The following PPM1E variants were observed in gnomAD, a reference collection of about 807,000 sequenced individuals.
PPM1E encodes protein phosphatase 1E.
In PPM1E, 20 loss-of-function variants were observed where a neutral mutation model predicts 65.9. The observed-to-expected ratio is 0.30, with a 90% CI of 0.21 to 0.44. The LOEUF (loss-of-function observed/expected upper bound fraction) is 0.44. Among genes scored for constraint, PPM1E ranks in the 20% least tolerant of loss-of-function variants. PPM1E has a pLI of 1.00. For synonymous variants in PPM1E, 352 were observed against 374.9 expected, an observed-to-expected ratio of 0.94 and a Z score of 0.70; for missense variants, 713 against 953.1, an observed-to-expected ratio of 0.75 and a Z score of 3.32.
chr17:58,979,851 T>C, intron 6 of PPM1E, 123 bp from the exon 7 acceptor site: 2 of 748,638 alleles, frequency 2.7e-6, no homozygotes, highest in Non-Finnish European at 2.1e-6. Flanking sequence ...TATAAATTCT[T>C]TCCAGTCAAG....
chr17:58,765,698 A>G (rs1040347214), intron 1 of PPM1E, among the ~76,000 whole-genome samples: 2 of 152,062 alleles, frequency 1.3e-5, no homozygotes, highest in Non-Finnish European at 2.9e-5. Flanking sequence ...AAAAAGAACC[A>G]AAAGAATAAT....
intron 1 of PPM1E, among the ~76,000 whole-genome samples, chr17:58,832,029 G>C (rs1209432276): frequency 6.6e-6 from 1 of 152,072 alleles, no homozygotes; most frequent in Non-Finnish European, 1.5e-5. Flanking sequence ...TGCTTATCTT[G>C]GGTGAAAGTC....
intron 4 of PPM1E, among the ~76,000 whole-genome samples, chr17:58,971,828 A>ATAGT (rs369140440): frequency 3.7e-4 from 56 of 152,354 alleles, no homozygotes; most frequent in African/African-American, 1.2e-3. Flanking sequence ...TTATATACTA[A>ATAGT]TAGTTACCTG....
intron 1 of PPM1E, among the ~76,000 whole-genome samples, chr17:58,874,666 C>G (rs2051109515): frequency 6.6e-6 from 1 of 151,994 alleles, no homozygotes; most frequent in African/African-American, 2.4e-5. Context: ...AAATTATAAC[C>G]TGGTTTGTAC....
chr17:58,914,264 A>G (rs2051660689), intron 1 of PPM1E, among the ~76,000 whole-genome samples: 1 of 152,194 alleles, frequency 6.6e-6, no homozygotes, highest in Non-Finnish European at 1.5e-5. Context: ...GCATTTGTTC[A>G]TTACTGTTAA....
intron 1 of PPM1E, among the ~76,000 whole-genome samples, chr17:58,816,753 T>TATATATATATATATATATATATAA (rs2050420176): frequency 3.5e-4 from 2 of 5,660 alleles, no homozygotes; most frequent in African/African-American, 1.9e-3. Flanking sequence ...TATATATATA[T>TATATATATATATATATATATATAA]ATATATATAT....
At chr17:58,874,973 C>G (rs1267927230) in intron 1 of PPM1E, among the ~76,000 whole-genome samples, 1 of 152,072 alleles carries the variant, frequency 6.6e-6, no homozygotes, top group Non-Finnish European at 1.5e-5. Flanking sequence ...TTTTCTGTCC[C>G]CTTTCTTCCT....
chr17:58,862,167 CAG>C (rs2050949596), intron 1 of PPM1E, among the ~76,000 whole-genome samples: 1 of 152,138 alleles, frequency 6.6e-6, no homozygotes, highest in Non-Finnish European at 1.5e-5. Flanking sequence ...CTGTTTCAAA[CAG>C]AGACAGCCAG....
At chr17:58,832,508 ATTTTG>A (rs1470443805) in intron 1 of PPM1E, among the ~76,000 whole-genome samples, 1 of 152,138 alleles carries the variant, frequency 6.6e-6, no homozygotes, top group Admixed American at 6.5e-5. Flanking sequence ...ACATACAATG[ATTTTG>A]TTTTGTTTTT....
In PPM1E at chr17:58,850,107, C is replaced by CT. The variant is rs746835586; in HGVS notation, c.464+93656dup. 2.0e-3 allele frequency among the ~76,000 whole-genome samples: 302 copies of CT among 148,808 alleles called. 7 individuals are homozygous for CT. Among genetic ancestry groups the CT allele is most frequent in the Admixed American group, 0.016 (238 of 14,894 alleles). ...TCAGAGACTAGGATTGCAACCCCTG[C>CT]TTTTTTTTTTCCATTTGCTTGGTAG... On this transcript the variant is annotated intron_variant, in intron 1 of 6. Transcript: ENST00000308249.
intron 1 of PPM1E, among the ~76,000 whole-genome samples, chr17:58,763,462 T>C (rs377443054): frequency 3.9e-5 from 6 of 152,196 alleles, no homozygotes; most frequent in African/African-American, 1.4e-4. Context: ...GGGAAATAAA[T>C]TGCTGGCTTG....
chr17:58,898,536 T>C (rs1393521070), intron 1 of PPM1E, among the ~76,000 whole-genome samples: 5 of 152,046 alleles, frequency 3.3e-5, no homozygotes, highest in African/African-American at 1.2e-4. Context: ...TGTGGAGAAA[T>C]AGGAATGCTT....
intron 1 of PPM1E, among the ~76,000 whole-genome samples, chr17:58,939,832 G>A (rs1018853377): frequency 6.6e-6 from 1 of 152,090 alleles, no homozygotes; most frequent in Non-Finnish European, 1.5e-5. Flanking sequence ...CTCAGGATGT[G>A]AATTGCTTGA....
chr17:58,817,942 G>C (rs1190961649), intron 1 of PPM1E, among the ~76,000 whole-genome samples: 1 of 151,856 alleles, frequency 6.6e-6, no homozygotes, highest in African/African-American at 2.4e-5. Context: ...TAGTAGAGAC[G>C]GTGTTTCACC....
At chr17:58,887,189 TA>T (rs1325188570) in intron 1 of PPM1E, among the ~76,000 whole-genome samples, 2 of 141,902 alleles carry the variant, frequency 1.4e-5, no homozygotes, top group African/African-American at 5.3e-5. Flanking sequence ...TTTTGAGATG[TA>T]GTCTCACTGT....
chr17:58,814,436 C>G (rs1289785285), intron 1 of PPM1E, among the ~76,000 whole-genome samples: 2 of 152,100 alleles, frequency 1.3e-5, no homozygotes, highest in Non-Finnish European at 2.9e-5. Flanking sequence ...TATTACTACC[C>G]CAATATATAC....
chr17:58,981,199 A>G lies in PPM1E; in HGVS notation c.*168A>G, dbSNP rs1025641986. ...GGAAACTCAAAGTACAGTGTTTTCA[A>G]TCTAAAAAGAAGTATTGGCAGTTTC... On this transcript the variant is annotated 3_prime_UTR_variant, in exon 7 of 7. Transcript: ENST00000308249. 13 of 586,308 alleles carry G rather than the reference A, an allele frequency of 2.2e-5. No individual in the cohort carries two copies. Among genetic ancestry groups the G allele is most frequent in the Non-Finnish European group, 3.5e-5 (12 of 346,566 alleles). The allele number at this position is 586,308 out of a possible 1,614,324, so 36.3% of individuals were successfully genotyped here.
intron 1 of PPM1E, among the ~76,000 whole-genome samples, chr17:58,907,146 T>C (rs148364501): frequency 0.012 from 1,766 of 152,048 alleles, 16 homozygotes; most frequent in Middle Eastern, 0.041. Context: ...CTTGGGAGGC[T>C]GAGGCAGGAG....
intron 1 of PPM1E, among the ~76,000 whole-genome samples, chr17:58,805,974 C>CAAAAAAAAAAAAAAAAA (rs1341289870): frequency 2.7e-5 from 2 of 74,032 alleles, no homozygotes; most frequent in Non-Finnish European, 5.0e-5. Context: ...AAAAAAAAAA[C>CAAAAAAAAAAAAAAAAA]AAAAAAAAAA....
Sources: allele counts gnomAD v4.1 joint callset (sites outside exome capture counted in the v4.1 genomes callset), GRCh38; gene constraint gnomAD v4.1.1; transcripts MANE v1.5; gene names NCBI Gene and HGNC (gene_info 2026-07-23, HGNC 2026-07-21).